Variants in MAGI1 observed in about 807,000 individuals in gnomAD.
MAGI1 encodes membrane-associated guanylate kinase, WW and PDZ domain-containing protein 1.
A neutral mutation model predicts 139.9 loss-of-function variants in MAGI1; 58 were observed. The ratio of observed to expected loss-of-function variants is 0.41; its 90% CI spans 0.34 to 0.52. MAGI1 has a LOEUF of 0.52. Among genes scored for constraint, MAGI1 ranks in the 20% least tolerant of loss-of-function variants. The pLI is 0.12. For missense variants in MAGI1, 1,874 were observed against 1,901.6 expected, an observed-to-expected ratio of 0.99 and a Z score of 0.27; for synonymous variants, 812 against 737.9, an observed-to-expected ratio of 1.10 and a Z score of -1.63.
intron 1 of MAGI1, among the ~76,000 whole-genome samples, chr3:65,911,989 AC>A (rs1251724025): frequency 2.6e-5 from 4 of 152,206 alleles, no homozygotes; most frequent in Non-Finnish European, 5.9e-5. Flanking sequence ...AAATGGACAA[AC>A]TGAGATTTAA....
At chr3:65,441,037 T>C (rs577128943) in intron 8 of MAGI1, among the ~76,000 whole-genome samples, 2 of 152,194 alleles carry the variant, frequency 1.3e-5, no homozygotes, top group Admixed American at 1.3e-4. Flanking sequence ...CTTGGCTCAC[T>C]GCAACTTCTG....
At chr3:65,915,543 C>T (rs974907105) in intron 1 of MAGI1, among the ~76,000 whole-genome samples, 1 of 152,070 alleles carries the variant, frequency 6.6e-6, no homozygotes, top group Non-Finnish European at 1.5e-5. Flanking sequence ...TTTTTAAAAT[C>T]CCTGAAGAGA....
chr3:65,792,048 A>G (rs1297668812), intron 1 of MAGI1, among the ~76,000 whole-genome samples: 1 of 151,928 alleles, frequency 6.6e-6, no homozygotes. Context: ...ACATACATAC[A>G]TACTTCTGAT....
At chr3:65,573,924 C>T (rs1355085479) in intron 2 of MAGI1, among the ~76,000 whole-genome samples, 1 of 151,924 alleles carries the variant, frequency 6.6e-6, no homozygotes, top group Non-Finnish European at 1.5e-5. Context: ...CTGCTTTCAC[C>T]CTACTAATTA....
intron 1 of MAGI1, among the ~76,000 whole-genome samples, chr3:65,777,583 G>A (rs1033017567): frequency 3.3e-4 from 48 of 146,234 alleles, no homozygotes; most frequent in Non-Finnish European, 8.9e-5. Flanking sequence ...AGGCTGCAGT[G>A]AGCCATGATT....
At chr3:65,686,917 G>A (rs1377883237) in intron 1 of MAGI1, among the ~76,000 whole-genome samples, 1 of 152,166 alleles carries the variant, frequency 6.6e-6, no homozygotes, top group Non-Finnish European at 1.5e-5. Flanking sequence ...CCAACAGCAA[G>A]GTCTTTCTGG....
intron 2 of MAGI1, among the ~76,000 whole-genome samples, chr3:65,587,062 T>C (rs2081718337): frequency 6.6e-6 from 1 of 152,192 alleles, no homozygotes; most frequent in South Asian, 2.1e-4. Context: ...AGGGCTTTGC[T>C]TTTGAGGTTG....
Position 65,823,606 on chromosome 3 carries a change from A to G in MAGI1, c.314-201518T>C, listed in dbSNP as rs577756272. ...ACAACCTATCTTTATTCTCTTTCTC[A>G]CTGTCATTACTGTTACACCTCCAGG... On this transcript the variant is annotated intron_variant, in intron 1 of 22. Coordinates refer to ENST00000402939, the MANE Select transcript of MAGI1 (RefSeq NM_001033057.2). 3.2e-4 allele frequency among the ~76,000 whole-genome samples: 49 copies of G among 152,264 alleles called. 1 individual carries two copies. In the South Asian group the frequency reaches 0.01, roughly 32 times the overall value.
chr3:65,458,415 T>C (rs1233877886), intron 5 of MAGI1, among the ~76,000 whole-genome samples: 1 of 152,006 alleles, frequency 6.6e-6, no homozygotes, highest in Non-Finnish European at 1.5e-5. Context: ...ATTATACTAA[T>C]TTACATTCCC....
intron 2 of MAGI1, among the ~76,000 whole-genome samples, chr3:65,591,321 C>T (rs927676238): frequency 6.6e-6 from 1 of 152,000 alleles, no homozygotes; most frequent in Admixed American, 6.6e-5. Context: ...AAAACCAAAA[C>T]CCTTGGAGTC....
At chr3:65,956,642 A>G (rs2064141244) in intron 1 of MAGI1, among the ~76,000 whole-genome samples, 1 of 152,190 alleles carries the variant, frequency 6.6e-6, no homozygotes, top group South Asian at 2.1e-4. Context: ...GACGTTAAAT[A>G]ATGGAAACCC....
chr3:65,814,329 T>C (rs1477911941), intron 1 of MAGI1, among the ~76,000 whole-genome samples: 2 of 152,152 alleles, frequency 1.3e-5, no homozygotes, highest in Admixed American at 6.5e-5. Flanking sequence ...TTTACCTCAA[T>C]GACTGGTACA....
At chr3:65,570,322 A>C (rs2080896775) in intron 2 of MAGI1, among the ~76,000 whole-genome samples, 1 of 151,724 alleles carries the variant, frequency 6.6e-6, no homozygotes, top group African/African-American at 2.4e-5. Context: ...GGCTGGTCTC[A>C]AACTCCTGAC....
At chr3:65,562,845 AT>A (rs2080426177) in intron 2 of MAGI1, among the ~76,000 whole-genome samples, 1 of 152,198 alleles carries the variant, frequency 6.6e-6, no homozygotes, top group Non-Finnish European at 1.5e-5. Context: ...TATTTAAAGC[AT>A]TTTATTTTAA....
At chr3:65,831,077 T>C (rs1216058021) in intron 1 of MAGI1, among the ~76,000 whole-genome samples, 1 of 152,196 alleles carries the variant, frequency 6.6e-6, no homozygotes, top group Non-Finnish European at 1.5e-5. Context: ...GGTCTGCATT[T>C]GATTCTGCAT....
chr3:65,429,436 C>T, intron 12 of MAGI1, 84 bp downstream of exon 12: 1 of 1,339,468 alleles, frequency 7.5e-7, no homozygotes, highest in Non-Finnish European at 1.0e-6. Flanking sequence ...TTAAAAAGCC[C>T]CCAGTGGTCA....
intron 1 of MAGI1, among the ~76,000 whole-genome samples, chr3:65,894,547 G>A (rs1355894397): frequency 6.6e-6 from 1 of 152,258 alleles, no homozygotes; most frequent in East Asian, 1.9e-4. Context: ...GTTTACCAGT[G>A]ATGTCAAATG....
At chr3:65,546,213 GT>G (rs1329073949) in intron 2 of MAGI1, among the ~76,000 whole-genome samples, 1 of 151,946 alleles carries the variant, frequency 6.6e-6, no homozygotes, top group Non-Finnish European at 1.5e-5. Context: ...TCATTTACTT[GT>G]CATTCAGCAA....
At chr3:66,009,540 T>C (rs757293760) in intron 1 of MAGI1, among the ~76,000 whole-genome samples, 4 of 151,874 alleles carry the variant, frequency 2.6e-5, no homozygotes, top group African/African-American at 4.8e-5. Flanking sequence ...ATATCTGAAT[T>C]CAAGACCTGG....
Sources: allele counts gnomAD v4.1 joint callset (sites outside exome capture counted in the v4.1 genomes callset), GRCh38; gene constraint gnomAD v4.1.1; transcripts MANE v1.5; gene names NCBI Gene and HGNC (gene_info 2026-07-23, HGNC 2026-07-21).